SATB2: variants seen among roughly 807,000 people sequenced by gnomAD.
SATB2 encodes the protein SATB homeobox 2.
Under a neutral mutation model 73.4 loss-of-function variants are expected in SATB2, and 1 was observed. The ratio of observed to expected loss-of-function variants is 0.01; its 90% CI spans 0.00 to 0.06. The LOEUF is 0.06. SATB2 is among the 10% of genes least tolerant of loss of function. The pLI is 1.00. For synonymous variants in SATB2, 397 were observed against 367.0 expected, an observed-to-expected ratio of 1.08 and a Z score of -0.93; for missense variants, 459 against 945.8, an observed-to-expected ratio of 0.49 and a Z score of 6.75.
chr2:199,275,968 G>C (rs1260718053), intron 10 of SATB2, among the ~76,000 whole-genome samples: 1 of 152,100 alleles, frequency 6.6e-6, no homozygotes, highest in Non-Finnish European at 1.5e-5. Context: ...GATTCCCAAA[G>C]TTATCTGTCC....
chr2:199,337,392 T>G (rs984597142), intron 7 of SATB2, among the ~76,000 whole-genome samples: 1 of 152,252 alleles, frequency 6.6e-6, no homozygotes, highest in Non-Finnish European at 1.5e-5. Context: ...ACATGGGTCA[T>G]AATTATTAGT....
At chr2:199,445,728 G>A (rs1025261765) in intron 2 of SATB2, among the ~76,000 whole-genome samples, 2 of 152,094 alleles carry the variant, frequency 1.3e-5, no homozygotes, top group African/African-American at 4.8e-5. Context: ...CCTATTCAGG[G>A]AACAATTTGC....
Position 199,271,868 on chromosome 2 carries a change from T to C in SATB2, c.*343A>G. The C allele has an allele frequency of 5.8e-6, 2 of 346,858 alleles. No individual in the cohort carries two copies. Among genetic ancestry groups the C allele is most frequent in the Admixed American group, 4.3e-5 (1 of 23,410 alleles). 21.5% of individuals were successfully genotyped at this position (346,858 alleles called of 1,614,324 possible). A position where few individuals can be genotyped will look rare whatever the true frequency, so the allele number is the denominator to read the frequency against. ...AGTTCTTTTCATCCTGGTACTTGCCTGATGTAACTTCCGTTAAGTGCAAGG... is the reference window on the plus strand; with the variant it reads ...AGTTCTTTTCATCCTGGTACTTGCCCGATGTAACTTCCGTTAAGTGCAAGG... On this transcript the variant is annotated 3_prime_UTR_variant, in exon 11 of 11. Coordinates refer to ENST00000417098, the MANE Select transcript of SATB2 (RefSeq NM_001172509.2).
intron 8 of SATB2, among the ~76,000 whole-genome samples, chr2:199,324,848 G>C (rs1422401445): frequency 6.6e-6 from 1 of 152,166 alleles, no homozygotes; most frequent in African/African-American, 2.4e-5. Context: ...TTCAGGAAAA[G>C]ACATCCTTGA....
At position 199,272,688 on chromosome 2, in the gene SATB2, G is replaced by GA. The variant is rs777993499; in HGVS notation, c.1741-17dup. 2 of 1,605,470 alleles carry GA rather than the reference G, an allele frequency of 1.2e-6. No homozygotes were observed. The highest frequency in any genetic ancestry group is 1.7e-6 in the Non-Finnish European group (2 of 1,172,258). ...TATGAAGTACCTGATAATTAAGAGA[G>GA]AAAAAAATGAACACTGGACTCATGA... On this transcript the variant is annotated splice_polypyrimidine_tract_variant and intron_variant, in intron 10 of 10. Coordinates refer to ENST00000417098, the MANE Select transcript of SATB2 (RefSeq NM_001172509.2). This position sits in a 1 kb window ranked among gnomAD's most constrained non-coding sequence, Gnocchi z 6.7.
intron 3 of SATB2, among the ~76,000 whole-genome samples, chr2:199,421,028 C>A (rs1002522480): frequency 1.3e-5 from 2 of 152,008 alleles, no homozygotes; most frequent in Non-Finnish European, 2.9e-5. Context: ...TTGGGACTAC[C>A]AACATACTCA....
At chr2:199,294,418 C>A (rs1390189184) in intron 10 of SATB2, among the ~76,000 whole-genome samples, 1 of 152,182 alleles carries the variant, frequency 6.6e-6, no homozygotes, top group Non-Finnish European at 1.5e-5. Context: ...GACAGACCAT[C>A]CTGATGCATT....
intron 7 of SATB2, among the ~76,000 whole-genome samples, chr2:199,345,056 T>C (rs1559172959): frequency 6.6e-6 from 1 of 152,116 alleles, no homozygotes; most frequent in Non-Finnish European, 1.5e-5. Context: ...CTCTCACTAC[T>C]GTCTCCCTCT....
chr2:199,464,873 G>A lies in SATB2; in HGVS notation c.-178C>T, dbSNP rs956871372. 6.6e-6 allele frequency: 1 copy of A among 152,320 alleles called. No homozygotes were observed. Among genetic ancestry groups the A allele is most frequent in the Non-Finnish European group, 1.5e-5 (1 of 68,108 alleles). 9.4% of individuals were successfully genotyped at this position (152,320 alleles called of 1,614,324 possible). A position where few individuals can be genotyped will look rare whatever the true frequency, so the allele number is the denominator to read the frequency against. On this transcript the variant is annotated 5_prime_UTR_variant, in exon 1 of 12. Coordinates refer to the SATB2 transcript ENST00000260926. This position sits in a 1 kb window ranked among gnomAD's most constrained non-coding sequence, Gnocchi z 6.6. ...CGCCCGCCTTCGCCCCAAGTGCCCA[G>A]GACGGAGCGAGGGGCTGTGGGTCGG...
chr2:199,385,460 A>C (rs1689904381), intron 3 of SATB2, among the ~76,000 whole-genome samples: 1 of 152,116 alleles, frequency 6.6e-6, no homozygotes, highest in African/African-American at 2.4e-5. Flanking sequence ...AAAACAAACA[A>C]AAACACTATG....
intron 3 of SATB2, among the ~76,000 whole-genome samples, chr2:199,387,192 T>C (rs567631747): frequency 9.9e-5 from 15 of 152,280 alleles, no homozygotes; most frequent in African/African-American, 3.6e-4. Flanking sequence ...GAATAAAACC[T>C]AGGCTTCATT....
At chr2:199,360,823 T>C (rs984069661) in intron 6 of SATB2, among the ~76,000 whole-genome samples, 12 of 152,056 alleles carry the variant, frequency 7.9e-5, no homozygotes, top group Non-Finnish European at 1.2e-4. Context: ...GCTTCCCTGT[T>C]CTCACACTTC....
At chr2:199,403,694 T>G (rs557601850) in intron 3 of SATB2, among the ~76,000 whole-genome samples, 66 of 152,330 alleles carry the variant, frequency 4.3e-4, no homozygotes, top group Non-Finnish European at 6.6e-4. Context: ...TATTTTCGGA[T>G]GAGAAACCCT....
chr2:199,424,940 ATG>A (rs1434358726), intron 3 of SATB2, among the ~76,000 whole-genome samples: 1 of 152,240 alleles, frequency 6.6e-6, no homozygotes, highest in African/African-American at 2.4e-5. Flanking sequence ...GCTTTAACGA[ATG>A]TGTTTTTTAC....
chr2:199,413,154 T>C (rs1026212991), intron 3 of SATB2, among the ~76,000 whole-genome samples: 1 of 152,222 alleles, frequency 6.6e-6, no homozygotes, highest in Non-Finnish European at 1.5e-5. Flanking sequence ...ATAATCTATA[T>C]GTTTATTTTT....
chr2:199,420,173 G>A (rs1280536403), intron 3 of SATB2, among the ~76,000 whole-genome samples: 2 of 152,128 alleles, frequency 1.3e-5, no homozygotes, highest in East Asian at 3.9e-4. Flanking sequence ...TAGCCCATCT[G>A]TGCCTCAGTT....
chr2:199,446,076 G>A (rs1256156719), intron 2 of SATB2, among the ~76,000 whole-genome samples: 5 of 152,026 alleles, frequency 3.3e-5, no homozygotes, highest in Non-Finnish European at 5.9e-5. Flanking sequence ...GTCACGTAAT[G>A]ACTTAATATT....
At chr2:199,321,586 A>G (rs1377233103) in intron 9 of SATB2, among the ~76,000 whole-genome samples, 1 of 151,934 alleles carries the variant, frequency 6.6e-6, no homozygotes, top group African/African-American at 2.4e-5. Flanking sequence ...ACACAGGTAC[A>G]CACACATAGA....
At chr2:199,367,985 T>C (rs1413618707) in intron 6 of SATB2, among the ~76,000 whole-genome samples, 2 of 152,148 alleles carry the variant, frequency 1.3e-5, no homozygotes, top group Non-Finnish European at 2.9e-5. Context: ...AGTAGTATAC[T>C]ATTATTTGTC....
Sources: allele counts gnomAD v4.1 joint callset (sites outside exome capture counted in the v4.1 genomes callset), GRCh38; gene constraint gnomAD v4.1.1; non-coding constraint Gnocchi (gnomAD v3.1); transcripts MANE v1.5; gene names NCBI Gene and HGNC (gene_info 2026-07-23, HGNC 2026-07-21).